The following PTPN11 variants were observed in gnomAD, a reference collection of about 807,000 sequenced individuals.
PTPN11 encodes protein tyrosine phosphatase non-receptor type 11, also known as tyrosine-protein phosphatase non-receptor type 11.
A neutral mutation model predicts 78.8 loss-of-function variants in PTPN11; 6 were observed. The observed-to-expected ratio is 0.08, with a 90% CI of 0.04 to 0.15. PTPN11 has a LOEUF of 0.15. Among genes scored for constraint, PTPN11 ranks in the 10% least tolerant of loss-of-function variants. The pLI is 1.00. For missense variants in PTPN11, 386 were observed against 744.8 expected (o/e 0.52, Z 5.61); for synonymous variants, 221 against 263.5 (o/e 0.84, Z 1.56).
In PTPN11 at chr12:112,472,949, A is replaced by G. The variant is rs745489506; in HGVS notation, c.762A>G (p.Leu254=). 6 of 1,610,184 alleles carry G rather than the reference A, an allele frequency of 3.7e-6. No individual in the cohort carries two copies. The highest frequency in any genetic ancestry group is 5.1e-6 in the Non-Finnish European group (6 of 1,176,564). ...KQGFWEEFET[L]QQQECKLLYS... is the part of the protein sequence containing the mutation. ...TGACTTTTCTTTCTTTCCAGACACT[A>G]CAACAACAGGAGTGCAAACTTCTCT... The change falls in exon 7 of 16, where the codon CTA becomes CTG. Residue 254 remains leucine, a synonymous_variant. Coordinates refer to ENST00000351677, the MANE Select transcript of PTPN11 (RefSeq NM_002834.5).
chr12:112,485,485 G>A (rs773249628), intron 10 of PTPN11, among the ~76,000 whole-genome samples: 3 of 152,126 alleles, frequency 2.0e-5, no homozygotes, highest in Non-Finnish European at 4.4e-5. Flanking sequence ...GTATTTCAGC[G>A]AGCTCACTGA....
intron 5 of PTPN11, 76 bp from the exon 6 acceptor site, chr12:112,455,871 GTTT>G (rs140552217): frequency 6.0e-3 from 4,017 of 667,654 alleles, no homozygotes; most frequent in Middle Eastern, 6.6e-3. Context: ...ACATAGACAT[GTTT>G]TTTTTTTTTT....
chr12:112,464,575 A>G (rs1320806096), intron 6 of PTPN11, among the ~76,000 whole-genome samples: 2 of 152,040 alleles, frequency 1.3e-5, no homozygotes, highest in Non-Finnish European at 2.9e-5. Context: ...GGCACGTACC[A>G]CCACTCTCAG....
At chr12:112,468,442 A>C (rs2038363210) in intron 6 of PTPN11, among the ~76,000 whole-genome samples, 1 of 152,064 alleles carries the variant, frequency 6.6e-6, no homozygotes, top group African/African-American at 2.4e-5. Context: ...ACAACTTCTG[A>C]ATTGTTTGTA....
Position 112,489,312 on chromosome 12 carries a change from AGGG to A in PTPN11, c.1599+138_1599+140del. On this transcript the variant is annotated intron_variant, in intron 13 of 15. Coordinates refer to ENST00000351677, the MANE Select transcript of PTPN11 (RefSeq NM_002834.5). ...AATGGGAAACAAACTCCCAACTAAA[AGGG>A]CCTCTGGAAACTGTCAATTATTCTC... 2.9e-6 allele frequency: 3 copies of A among 1,032,706 alleles called. No individual in the cohort carries two copies. In the South Asian group the frequency reaches 3.9e-5, roughly 13 times the overall value. The allele number at this position is 1,032,706 out of a possible 1,614,324, so 64.0% of individuals were successfully genotyped here.
chr12:112,439,242 T>C (rs2037843242), intron 1 of PTPN11, among the ~76,000 whole-genome samples: 1 of 152,178 alleles, frequency 6.6e-6, no homozygotes, highest in African/African-American at 2.4e-5. Context: ...TCTCAGCCTG[T>C]CATTTGGGGA....
chr12:112,458,899 G>A (rs2038204622), intron 6 of PTPN11, among the ~76,000 whole-genome samples: 1 of 152,038 alleles, frequency 6.6e-6, no homozygotes, highest in Non-Finnish European at 1.5e-5. Context: ...TGGGTGTGGG[G>A]GTGCGCACCC....
chr12:112,477,831 G>A, intron 8 of PTPN11, 26 bp from the exon 9 acceptor site: 1 of 1,613,798 alleles, frequency 6.2e-7, no homozygotes, highest in Middle Eastern at 1.6e-4. Flanking sequence ...TAAGGTGTTT[G>A]AAGGATTTTC....
At chr12:112,503,268 A>G (rs1232940609) in intron 14 of PTPN11, among the ~76,000 whole-genome samples, 1 of 152,238 alleles carries the variant, frequency 6.6e-6, no homozygotes, top group African/African-American at 2.4e-5. Flanking sequence ...ACACGGTAGG[A>G]AAGCATTTGT....
intron 1 of PTPN11, among the ~76,000 whole-genome samples, chr12:112,442,828 TTTTATATATATATATATATATATATA>T (rs1291865415): frequency 7.3e-5 from 4 of 54,988 alleles, no homozygotes; most frequent in Admixed American, 2.3e-4. Flanking sequence ...CTCTCTCTCT[TTTTATATATATATATATATATATATA>T]TATATATATA....
At chr12:112,463,566 C>CAA (rs2038281705) in intron 6 of PTPN11, among the ~76,000 whole-genome samples, 1 of 152,194 alleles carries the variant, frequency 6.6e-6, no homozygotes, top group Non-Finnish European at 1.5e-5. Flanking sequence ...CCTGACTCTT[C>CAA]TGGCCATGGA....
At chr12:112,438,287 G>C (rs893899238) in intron 1 of PTPN11, among the ~76,000 whole-genome samples, 1 of 152,012 alleles carries the variant, frequency 6.6e-6, no homozygotes, top group African/African-American at 2.4e-5. Flanking sequence ...TAAGTTGAGG[G>C]TGTGGTTTTC....
Position 112,419,054 on chromosome 12 carries a change from G to C in PTPN11, c.-58G>C. 1 of 1,533,826 alleles carries C rather than the reference G, an allele frequency of 6.5e-7. No individual in the cohort carries two copies. The highest frequency in any genetic ancestry group is 8.7e-7 in the Non-Finnish European group (1 of 1,142,944). On this transcript the variant is annotated 5_prime_UTR_variant, in exon 1 of 16. Transcript: ENST00000351677. ...CCTCGGGCCAGCCCGATGTGACCGA[G>C]CCCAGCGGAGCCTGAGCAAGGAGCG...
At chr12:112,429,438 G>A (rs927222109) in intron 1 of PTPN11, among the ~76,000 whole-genome samples, 17 of 149,232 alleles carry the variant, frequency 1.1e-4, no homozygotes, top group African/African-American at 3.9e-4. Flanking sequence ...CTGGATGGAT[G>A]TAGGTGGTGT....
chr12:112,476,776 A>C (rs774092556), intron 7 of PTPN11, among the ~76,000 whole-genome samples: 2 of 152,172 alleles, frequency 1.3e-5, no homozygotes, highest in African/African-American at 4.8e-5. Flanking sequence ...CTCAAAAAAT[A>C]AATTTAAAAC....
At chr12:112,428,396 CTTTTTTTTTT>C (rs11312766) in intron 1 of PTPN11, among the ~76,000 whole-genome samples, 6 of 84,466 alleles carry the variant, frequency 7.1e-5, no homozygotes, top group East Asian at 4.6e-4. Flanking sequence ...TGTGTGTTGT[CTTTTTTTTTT>C]TTTTTTTTTT....
At chr12:112,423,220 A>G (rs949928851) in intron 1 of PTPN11, among the ~76,000 whole-genome samples, 3 of 152,244 alleles carry the variant, frequency 2.0e-5, no homozygotes, top group African/African-American at 4.8e-5. Context: ...CACTGAATTT[A>G]GAGAGGGAGA....
chr12:112,495,888 C>CA (rs1380555852), intron 13 of PTPN11, among the ~76,000 whole-genome samples: 2 of 151,960 alleles, frequency 1.3e-5, no homozygotes, highest in Non-Finnish European at 2.9e-5. Flanking sequence ...ATCATAAAAT[C>CA]AAAAAAACCA....
chr12:112,470,534 A>G (rs2038399113), intron 6 of PTPN11, among the ~76,000 whole-genome samples: 1 of 152,184 alleles, frequency 6.6e-6, no homozygotes, highest in African/African-American at 2.4e-5. Context: ...CGTCATCCTG[A>G]ACAGCTTGGA....
Sources: gnomAD v4.1 joint callset for allele counts (sites outside exome capture counted in the v4.1 genomes callset) on GRCh38, gnomAD v4.1.1 for gene constraint, MANE v1.5 for transcripts, NCBI Gene and HGNC (gene_info 2026-07-23, HGNC 2026-07-21) for gene names.